Variants in PRKN observed in about 807,000 individuals in gnomAD.
The protein encoded by PRKN is parkin RBR E3 ubiquitin protein ligase.
Under a neutral mutation model 59.5 loss-of-function variants are expected in PRKN, and 56 were observed. The observed-to-expected ratio is 0.94, with a 90% CI of 0.76 to 1.18. PRKN has a LOEUF of 1.18. PRKN is among the 50% of genes most tolerant of loss of function. The pLI is 0.00. For missense variants in PRKN, 657 were observed against 596.4 expected (o/e 1.10, Z -1.06); for synonymous variants, 250 against 222.1 (o/e 1.13, Z -1.12).
chr6:161,690,665 A>G (rs1207473159), intron 7 of PRKN, among the ~76,000 whole-genome samples: 1 of 152,138 alleles, frequency 6.6e-6, no homozygotes, highest in Non-Finnish European at 1.5e-5. Context: ...TAAGGACCCG[A>G]ACAGAACAAA....
intron 7 of PRKN, among the ~76,000 whole-genome samples, chr6:161,626,072 C>G (rs576029936): frequency 1.3e-5 from 2 of 152,190 alleles, no homozygotes; most frequent in African/African-American, 4.8e-5. Context: ...CGTAGACAGG[C>G]TAAACAAATT....
intron 9 of PRKN, among the ~76,000 whole-genome samples, chr6:161,450,402 C>T (rs115096338): frequency 8.2e-4 from 125 of 152,364 alleles, no homozygotes; most frequent in African/African-American, 2.9e-3. Context: ...CCGGCTGCCT[C>T]TGACATGCCA....
intron 7 of PRKN, among the ~76,000 whole-genome samples, chr6:161,751,771 T>C (rs1347479199): frequency 6.6e-6 from 1 of 152,022 alleles, no homozygotes. Flanking sequence ...AATTATTACG[T>C]GGGGTATAAA....
At chr6:161,508,688 AC>A (rs900009638) in intron 9 of PRKN, among the ~76,000 whole-genome samples, 3 of 152,124 alleles carry the variant, frequency 2.0e-5, no homozygotes, top group African/African-American at 7.2e-5. Flanking sequence ...CAGTTTTGCA[AC>A]CCTTTAATCA....
intron 1 of PRKN, among the ~76,000 whole-genome samples, chr6:162,523,108 T>C (rs2128194088): frequency 6.6e-6 from 1 of 152,328 alleles, no homozygotes; most frequent in African/African-American, 2.4e-5. Context: ...TTTCTGCTGT[T>C]ACCTAAGTTG....
intron 6 of PRKN, among the ~76,000 whole-genome samples, chr6:161,832,453 G>A (rs547798082): frequency 1.1e-4 from 16 of 151,774 alleles, no homozygotes; most frequent in South Asian, 8.3e-4. Flanking sequence ...GTGAAACCTC[G>A]TCTCTAGTAA....
chr6:161,950,448 G>A (rs1044376957), intron 6 of PRKN, among the ~76,000 whole-genome samples: 1 of 152,148 alleles, frequency 6.6e-6, no homozygotes, highest in Non-Finnish European at 1.5e-5. Flanking sequence ...GGAGGCTGAG[G>A]CAGGAGACTC....
At chr6:162,378,394 G>A (rs751276302) in intron 2 of PRKN, among the ~76,000 whole-genome samples, 21 of 152,186 alleles carry the variant, frequency 1.4e-4, no homozygotes, top group Non-Finnish European at 2.4e-4. Flanking sequence ...ACTTAGCAGC[G>A]GCTACCAAAA....
intron 1 of PRKN, among the ~76,000 whole-genome samples, chr6:162,513,746 G>C (rs1583701488): frequency 6.6e-6 from 1 of 152,014 alleles, no homozygotes; most frequent in African/African-American, 2.4e-5. Flanking sequence ...TAGTAAAACT[G>C]TCCTCATTCT....
At chr6:162,035,250 T>C (rs1356812813) in intron 5 of PRKN, among the ~76,000 whole-genome samples, 1 of 152,142 alleles carries the variant, frequency 6.6e-6, no homozygotes, top group African/African-American at 2.4e-5. Context: ...ACTCATTACC[T>C]TGAGGAGGCA....
Position 161,938,701 on chromosome 6 carries a change from G to T in PRKN, c.734+34601C>A, listed in dbSNP as rs566470183. 8.5e-5 allele frequency among the ~76,000 whole-genome samples: 13 copies of T among 152,304 alleles called. No individual in the cohort carries two copies. In the South Asian group the frequency reaches 2.7e-3, roughly 32 times the overall value. On this transcript the variant is annotated intron_variant, in intron 6 of 11. Coordinates refer to ENST00000366898, the MANE Select transcript of PRKN (RefSeq NM_004562.3). The stretch of plus-strand genomic sequence containing the variant: ...GCCAATCCTGTCATCTGATTTATGG[G>T]TATGTGCCACTTACAGTGTTTGAGC...
chr6:161,695,989 C>A (rs1194643187), intron 7 of PRKN, among the ~76,000 whole-genome samples: 1 of 152,190 alleles, frequency 6.6e-6, no homozygotes, highest in African/African-American at 2.4e-5. Context: ...CATGCATTCT[C>A]ATATCTGCAT....
rs1168687553 is a variant in PRKN, at chr6:162,339,212, CCGGCAGCCACCCCGTCCGGGAGGGAGG to C, written c.172-76474_172-76448del. On this transcript the variant is annotated intron_variant, in intron 2 of 11. Transcript: ENST00000366898. Reference sequence around the variant, plus strand: ...TCTGGGAAGTGAGGAGCGTCTCCGCCCGGCAGCCACCCCGTCCGGGAGGGAGGTGGTGGGGGTCAGCCCCCCGCCCGG... The same window carrying C: ...TCTGGGAAGTGAGGAGCGTCTCCGCCTGGTGGGGGTCAGCCCCCCGCCCGG... Among the ~76,000 whole-genome samples, 125 of 150,508 alleles carry C rather than the reference CCGGCAGCCACCCCGTCCGGGAGGGAGG, an allele frequency of 8.3e-4. 1 individual carries two copies. The highest frequency in any genetic ancestry group is 6.9e-3 in the Middle Eastern group (2 of 290).
At chr6:162,162,220 AT>A (rs1190976725) in intron 4 of PRKN, among the ~76,000 whole-genome samples, 1 of 152,164 alleles carries the variant, frequency 6.6e-6, no homozygotes, top group Non-Finnish European at 1.5e-5. Context: ...ACTAGCTGGG[AT>A]TACAGGCACA....
intron 4 of PRKN, among the ~76,000 whole-genome samples, chr6:162,073,869 T>A (rs917187489): frequency 1.3e-4 from 20 of 152,172 alleles, no homozygotes; most frequent in Non-Finnish European, 4.4e-5. Context: ...ATTTACCCAC[T>A]CTGAGAAAAT....
intron 1 of PRKN, among the ~76,000 whole-genome samples, chr6:162,693,425 T>A (rs1231041224): frequency 6.6e-6 from 1 of 152,176 alleles, no homozygotes; most frequent in South Asian, 2.1e-4. Context: ...TTTTCTCAGG[T>A]TTTCCTCTTC....
In PRKN at chr6:161,529,635, C is replaced by T. The variant is rs1396665293; in HGVS notation, c.1083+19219G>A. On this transcript the variant is annotated intron_variant, in intron 9 of 11. Coordinates refer to ENST00000366898, the MANE Select transcript of PRKN (RefSeq NM_004562.3). The surrounding 1 kb of genome is among the most constrained non-coding windows in gnomAD (Gnocchi z 4.4). ...TAGTCTACTCATAGGATTACGGCAA[C>T]TCAGTTTAAGTGAGGCTGTTTTGGA... 6.6e-6 allele frequency among the ~76,000 whole-genome samples: 1 copy of T among 152,166 alleles called. No individual in the cohort carries two copies. The highest frequency in any genetic ancestry group is 1.5e-5 in the Non-Finnish European group (1 of 68,040).
intron 1 of PRKN, among the ~76,000 whole-genome samples, chr6:162,467,208 C>T (rs889330410): frequency 6.6e-6 from 1 of 152,108 alleles, no homozygotes; most frequent in Admixed American, 6.6e-5. Flanking sequence ...CCACAGCTTT[C>T]ATCAATATCA....
intron 1 of PRKN, among the ~76,000 whole-genome samples, chr6:162,553,224 C>A (rs1173358951): frequency 2.0e-5 from 3 of 152,054 alleles, no homozygotes; most frequent in African/African-American, 7.2e-5. Flanking sequence ...AGGTGGGTGT[C>A]CAGCACAAGT....
Sources: allele counts gnomAD v4.1 joint callset (sites outside exome capture counted in the v4.1 genomes callset), GRCh38; gene constraint gnomAD v4.1.1; non-coding constraint Gnocchi (gnomAD v3.1); transcripts MANE v1.5; gene names NCBI Gene and HGNC (gene_info 2026-07-23, HGNC 2026-07-21).